KIF19: variants seen among roughly 807,000 people sequenced by gnomAD.
KIF19 encodes kinesin-like protein KIF19.
Under a neutral mutation model 106.6 loss-of-function variants are expected in KIF19, and 98 were observed. The observed-to-expected ratio is 0.92, with a 90% CI of 0.78 to 1.09. The LOEUF is 1.09. Ranked by LOEUF, KIF19 falls within the 50% of genes least tolerant of loss-of-function variation. KIF19 has a pLI of 0.00. For missense variants in KIF19, 1,373 were observed against 1,414.3 expected, an observed-to-expected ratio of 0.97 and a Z score of 0.47; for synonymous variants, 516 against 584.2, an observed-to-expected ratio of 0.88 and a Z score of 1.68.
intron 10 of KIF19, 81 bp from the exon 11 acceptor site, chr17:74,350,319 AG>A (rs1188685187): frequency 1.5e-6 from 2 of 1,340,198 alleles, no homozygotes; most frequent in Non-Finnish European, 1.0e-6. Flanking sequence ...GAAGAAAAGG[AG>A]GGGAGGGGCC....
intron 2 of KIF19, among the ~76,000 whole-genome samples, chr17:74,340,695 A>T (rs1222045977): frequency 6.6e-6 from 1 of 152,198 alleles, no homozygotes; most frequent in Non-Finnish European, 1.5e-5. Flanking sequence ...CTCCCGGCTC[A>T]GGCTCAAAGC....
rs777215747 is a variant in KIF19, at chr17:74,353,309, C to T, written c.2220+8C>T. 6.4e-7 allele frequency: 1 copy of T among 1,560,930 alleles called. No homozygotes were observed. The highest frequency in any genetic ancestry group is 8.7e-7 in the Non-Finnish European group (1 of 1,152,558). Reference sequence around the variant, plus strand: ...AGCCTGGTGACGCAGGAGGTGAGCTCTCAGTACCCGATGGCCCCACGAGCT... The same window carrying T: ...AGCCTGGTGACGCAGGAGGTGAGCTTTCAGTACCCGATGGCCCCACGAGCT... On this transcript the variant is annotated splice_region_variant and intron_variant, in intron 16 of 19. Coordinates refer to ENST00000389916, the MANE Select transcript of KIF19 (RefSeq NM_153209.4).
intron 12 of KIF19, 110 bp downstream of exon 12, chr17:74,351,015 T>A: frequency 9.4e-7 from 1 of 1,065,486 alleles, no homozygotes; most frequent in Non-Finnish European, 1.4e-6. Context: ...ACTTGGGAAC[T>A]CAGGCCACAA....
rs5822039 is a variant in KIF19 at position 74,331,377 on chromosome 17, AG to A, written c.120+2873del. Among the ~76,000 whole-genome samples, 63,352 of 151,844 alleles carry A rather than the reference AG, an allele frequency of 0.42. 13,512 individuals are homozygous for A. The highest frequency in any genetic ancestry group is 0.48 in the Non-Finnish European group (32,696 of 67,890). ...GTGGGGAGAGGTGGACCGGGGACAC[AG>A]TAACCCGCTGGGCTGGGCCACCGTG... is the stretch of plus-strand genomic sequence containing the variant. On this transcript the variant is annotated intron_variant, in intron 2 of 19. Coordinates refer to ENST00000389916, the MANE Select transcript of KIF19 (RefSeq NM_153209.4). This position sits in a 1 kb window ranked among gnomAD's most constrained non-coding sequence, Gnocchi z 4.1.
At chr17:74,349,114 C>A in intron 9 of KIF19, 70 bp from the exon 10 acceptor site, 1 of 1,553,908 alleles carries the variant, frequency 6.4e-7, no homozygotes, top group Non-Finnish European at 8.8e-7. Flanking sequence ...AAGAAAGGCC[C>A]TGCAGGCAGG....
intron 16 of KIF19, 61 bp downstream of exon 16, chr17:74,353,362 G>A (rs2054775377): frequency 6.8e-7 from 1 of 1,471,538 alleles, no homozygotes; most frequent in Non-Finnish European, 9.3e-7. Flanking sequence ...GGACATGGGG[G>A]TGGACAGCAG....
chr17:74,354,212 C>CG lies in KIF19; in HGVS notation c.2361dup (p.Arg788AlafsTer56). ...CAAGTGCATCTGGGTGAAGGCCGCC[C>CG]GGCGGCGCTCGCGGGCCCTGGGAAC... On this transcript the variant is annotated frameshift_variant, in exon 18 of 20. Coordinates refer to ENST00000389916, the MANE Select transcript of KIF19 (RefSeq NM_153209.4). LOFTEE classifies it high-confidence loss of function. 1 of 1,609,308 alleles carries CG rather than the reference C, an allele frequency of 6.2e-7. No individual in the cohort carries two copies. Among genetic ancestry groups the CG allele is most frequent in the Non-Finnish European group, 8.5e-7 (1 of 1,179,418 alleles).
intron 2 of KIF19, among the ~76,000 whole-genome samples, chr17:74,335,502 C>A (rs2054196466): frequency 6.6e-6 from 1 of 152,232 alleles, no homozygotes; most frequent in African/African-American, 2.4e-5. Context: ...GGCCTGAGGC[C>A]CCCACTTCCC....
chr17:74,350,973 G>A (rs759715134), intron 12 of KIF19, 68 bp downstream of exon 12: 86 of 1,523,590 alleles, frequency 5.6e-5, no homozygotes, highest in Non-Finnish European at 1.6e-5. Flanking sequence ...TGAGAGGCAA[G>A]GCGGAGGGGC....
chr17:74,342,759 C>G, intron 4 of KIF19, 42 bp downstream of exon 4: 1 of 1,547,176 alleles, frequency 6.5e-7, no homozygotes, highest in Non-Finnish European at 8.9e-7. Context: ...CCGCAATGCC[C>G]CTGTAATCCC....
In KIF19 at chr17:74,350,762, G is replaced by C; in HGVS notation, c.1444G>C (p.Glu482Gln). Residue 482 changes from glutamate (E) to glutamine (Q), a missense_variant, in exon 12 of 20, where the codon GAG (glutamate) becomes CAG (glutamine). Around this residue, in one of 3 missense-constraint regions of KIF19, gnomAD observed 1,020 missense variants for 1,008.2 expected, o/e 1.01. Coordinates refer to ENST00000389916, the MANE Select transcript of KIF19 (RefSeq NM_153209.4). The part of the protein sequence containing the change: ...ALKWREEQRK[E>Q]CYAKDDSEKD... ...CAAATGGCGGGAGGAGCAGCGAAAGGAGTGCTACGCTAAGGACGACAGCGA... is the reference window on the plus strand; with the variant it reads ...CAAATGGCGGGAGGAGCAGCGAAAGCAGTGCTACGCTAAGGACGACAGCGA... The C allele has an allele frequency of 6.2e-7, 1 of 1,614,024 alleles. No homozygotes were observed. Among genetic ancestry groups the C allele is most frequent in the Non-Finnish European group, 8.5e-7 (1 of 1,179,912 alleles).
At chr17:74,353,603 C>T (rs750067791) in intron 17 of KIF19, 22 bp downstream of exon 17, 28 of 1,585,506 alleles carry the variant, frequency 1.8e-5, no homozygotes, top group Admixed American at 1.0e-4. Context: ...CTCTGCTGCC[C>T]GGCCACCTCA....
chr17:74,340,555 G>GCACACACACACACACACACACACA, intron 2 of KIF19, among the ~76,000 whole-genome samples: 27 of 148,300 alleles, frequency 1.8e-4, no homozygotes, highest in Middle Eastern at 3.5e-3. Context: ...ATGCGCGCGC[G>GCACACACACACACACACACACACA]TACACACACA....
chr17:74,350,631 G>T, intron 11 of KIF19, 56 bp downstream of exon 11: 1 of 1,609,294 alleles, frequency 6.2e-7, no homozygotes, highest in Non-Finnish European at 8.5e-7. Context: ...GGACAGAGGA[G>T]CACGACCTGT....
At chr17:74,332,214 G>GTGTT (rs1555619594) in intron 2 of KIF19, among the ~76,000 whole-genome samples, 1,208 of 54,246 alleles carry the variant, frequency 0.022, 13 homozygotes, top group African/African-American at 0.044. Flanking sequence ...GTGTGTTTGT[G>GTGTT]TGTGTGTGTG....
Position 74,351,902 on chromosome 17 carries a change from G to A in KIF19, c.1623G>A (p.Ala541=), listed in dbSNP as rs2054712379. 1 of 1,414,732 alleles carries A rather than the reference G, an allele frequency of 7.1e-7. No homozygotes were observed. Among genetic ancestry groups the A allele is most frequent in the Non-Finnish European group, 9.2e-7 (1 of 1,092,686 alleles). The allele number at this position is 1,414,732 out of a possible 1,614,324, so 87.6% of individuals were successfully genotyped here. A position where few individuals can be genotyped will look rare whatever the true frequency, so the allele number is the denominator to read the frequency against. Residue 541 remains alanine, a synonymous_variant, in exon 13 of 20, where the codon GCG becomes GCA. Transcript: ENST00000389916. ...ALEQRCRELR[A]RGRRLEETLP... ...AGCAGCGCTGCCGGGAGCTGCGCGC[G>A]CGGGGCCGGCGCCTGGAGGAGACGC...
chr17:74,344,724 C>T (rs767467259), intron 6 of KIF19, 37 bp from the exon 7 acceptor site: 26 of 1,580,764 alleles, frequency 1.6e-5, no homozygotes, highest in Non-Finnish European at 2.6e-6. Context: ...GCACCTACGG[C>T]AGTCGCTAAG....
chr17:74,326,392 A>G lies in KIF19; in HGVS notation c.39+4A>G, dbSNP rs2053907627. 1 of 1,611,920 alleles carries G rather than the reference A, an allele frequency of 6.2e-7. No individual in the cohort carries two copies. Among genetic ancestry groups the G allele is most frequent in the Non-Finnish European group, 8.5e-7 (1 of 1,178,960 alleles). ...CTCCAAGGACCAGCAACTCATGGTG[A>G]GACCCTTTTAGACCCTCCTCCCCAC... is the stretch of plus-strand genomic sequence containing the variant. On this transcript the variant is annotated splice_donor_region_variant and intron_variant, in intron 1 of 19. Transcript: ENST00000389916.
rs2054479259 is a variant in KIF19, at chr17:74,344,642, G to GCACACGGAGC, written c.583-118_583-117insACACGGAGCC. 3 of 1,109,726 alleles carry GCACACGGAGC rather than the reference G, an allele frequency of 2.7e-6. No individual in the cohort carries two copies. The Admixed American group carries it at 8.1e-5, about 30-fold the overall frequency. The allele number at this position is 1,109,726 out of a possible 1,614,324, so 68.7% of individuals were successfully genotyped here. A position where few individuals can be genotyped will look rare whatever the true frequency, so the allele number is the denominator to read the frequency against. On this transcript the variant is annotated intron_variant, in intron 6 of 19. Transcript: ENST00000389916. ...AGCACACGGAGCCCAGCCCACTCCA[G>GCACACGGAGC]CCTGCCCTTTCCCAACTGCTCAGAC...
Sources: allele counts gnomAD v4.1 joint callset (sites outside exome capture counted in the v4.1 genomes callset), GRCh38; gene constraint gnomAD v4.1.1; regional missense constraint gnomAD v4.1.1; non-coding constraint Gnocchi (gnomAD v3.1); transcripts MANE v1.5; gene names NCBI Gene and HGNC (gene_info 2026-07-23, HGNC 2026-07-21).